The following CHAF1A variants were observed in gnomAD, a reference collection of about 807,000 sequenced individuals.
The protein encoded by CHAF1A is CAF-1 subunit A.
In CHAF1A, 5 loss-of-function variants were observed where a neutral mutation model predicts 93.2. The ratio of observed to expected loss-of-function variants is 0.05; its 90% CI spans 0.03 to 0.11. The LOEUF (loss-of-function observed/expected upper bound fraction) is 0.11, where lower values mean the gene tolerates loss of function less well. Among genes scored for constraint, CHAF1A ranks in the 10% least tolerant of loss-of-function variants. The probability of loss-of-function intolerance (pLI) is 1.00; values close to 1 mark genes in which losing one functional copy is unlikely to be tolerated. For missense variants in CHAF1A, 1,102 were observed against 1,259.9 expected, an observed-to-expected ratio of 0.87 and a Z score of 1.90; for synonymous variants, 504 against 510.3, an observed-to-expected ratio of 0.99 and a Z score of 0.17.
chr19:4,414,556 T>C (rs184472004), intron 3 of CHAF1A, among the ~76,000 whole-genome samples: 157 of 152,308 alleles, frequency 1.0e-3, no homozygotes, highest in African/African-American at 3.6e-3. Flanking sequence ...TTTGTTTCCT[T>C]GTGTATGACA....
At chr19:4,410,895 GTC>G (rs1973785125) in intron 3 of CHAF1A, among the ~76,000 whole-genome samples, 1 of 152,198 alleles carries the variant, frequency 6.6e-6, no homozygotes, top group South Asian at 2.1e-4. Flanking sequence ...TGCATGGTCT[GTC>G]TCTGTTATTG....
chr19:4,427,022 C>A (rs2145117739), intron 7 of CHAF1A, among the ~76,000 whole-genome samples: 1 of 147,580 alleles, frequency 6.8e-6, no homozygotes, highest in Middle Eastern at 3.6e-3. Context: ...ACCCAGGAGG[C>A]AGAGGTTGCA....
At chr19:4,411,648 T>A (rs1973804716) in intron 3 of CHAF1A, among the ~76,000 whole-genome samples, 1 of 117,328 alleles carries the variant, frequency 8.5e-6, no homozygotes, top group Non-Finnish European at 1.9e-5. Context: ...GCAAATCTTT[T>A]TTTTTTTTTT....
At chr19:4,412,023 T>TCA (rs1973814657) in intron 3 of CHAF1A, among the ~76,000 whole-genome samples, 1 of 152,154 alleles carries the variant, frequency 6.6e-6, no homozygotes. Flanking sequence ...ACAGATTATT[T>TCA]TATCACTCAG....
intron 4 of CHAF1A, among the ~76,000 whole-genome samples, chr19:4,420,570 C>T (rs1005149612): frequency 2.0e-5 from 3 of 152,132 alleles, no homozygotes; most frequent in South Asian, 2.1e-4. Flanking sequence ...CTTCAGATTA[C>T]GTAATGACTG....
intron 2 of CHAF1A, among the ~76,000 whole-genome samples, chr19:4,407,821 G>A (rs1973707743): frequency 6.6e-6 from 1 of 151,962 alleles, no homozygotes; most frequent in Non-Finnish European, 1.5e-5. Context: ...AGTAGTGCAT[G>A]CCTGTAATCC....
chr19:4,406,268 AG>A (rs1331331914), intron 2 of CHAF1A, among the ~76,000 whole-genome samples: 2 of 152,162 alleles, frequency 1.3e-5, no homozygotes, highest in Non-Finnish European at 2.9e-5. Flanking sequence ...GCATCCTCCA[AG>A]TCGTAACAAC....
downstream of CHAF1A, chr19:4,447,177 C>A (rs1974551465): frequency 1.7e-6 from 1 of 590,148 alleles, no homozygotes; most frequent in African/African-American, 1.9e-5. Context: ...CCAGACACTG[C>A]TGGGGCCTGA....
At chr19:4,417,754 C>T (rs1334560774) in intron 3 of CHAF1A, among the ~76,000 whole-genome samples, 1 of 152,218 alleles carries the variant, frequency 6.6e-6, no homozygotes, top group Admixed American at 6.5e-5. Flanking sequence ...AGCCACCGCG[C>T]CCAGCCTTGT....
chr19:4,416,248 T>G (rs961272929), intron 3 of CHAF1A, among the ~76,000 whole-genome samples: 1 of 152,238 alleles, frequency 6.6e-6, no homozygotes, highest in African/African-American at 2.4e-5. Context: ...CCTTTGGTTT[T>G]TCAGTCAACT....
downstream of CHAF1A, chr19:4,446,203 G>T: frequency 6.3e-7 from 1 of 1,597,952 alleles, no homozygotes. Context: ...AGTGCCTGGG[G>T]AGTGGGGGAG....
In CHAF1A at chr19:4,409,625, C is replaced by T. The variant is rs772522722; in HGVS notation, c.826C>T (p.Pro276Ser). The T allele has an allele frequency of 6.2e-7, 1 of 1,614,166 alleles. No homozygotes were observed. The change falls in exon 3 of 15, where the codon CCC becomes TCC. Residue 276 changes from proline (P) to serine (S), a missense_variant. Pro to Ser is a moderately conservative substitution (Grantham distance 74). Around this residue, in one of 6 missense-constraint regions of CHAF1A, gnomAD observed 379 missense variants for 365.7 expected, o/e 1.04. Coordinates refer to ENST00000301280, the MANE Select transcript of CHAF1A (RefSeq NM_005483.3). ...TGAGAGTGAGGTGCTGGAATCTTTC[C>T]CCGAAGAAGACTCTGTACTCAGCCA... ...TPESEVLESF[P>S]EEDSVLSHSS...
downstream of CHAF1A, chr19:4,447,723 G>A: frequency 7.8e-7 from 1 of 1,274,784 alleles, no homozygotes; most frequent in Middle Eastern, 1.9e-4. Context: ...AGCCACACTT[G>A]GCCTCTAGTC....
At chr19:4,448,266 G>A, downstream of CHAF1A, 3 of 1,487,992 alleles carry the variant, frequency 2.0e-6, no homozygotes, top group South Asian at 2.4e-5. Context: ...AGTGGGAGGG[G>A]TGCTGGGATG....
downstream of CHAF1A, chr19:4,447,999 A>C (rs1446565738): frequency 1.2e-5 from 6 of 512,688 alleles, no homozygotes; most frequent in Non-Finnish European, 2.1e-5. Flanking sequence ...GGCAGCGTGG[A>C]CCTCCAGGCC....
chr19:4,404,190 T>G (rs927345257), intron 1 of CHAF1A, among the ~76,000 whole-genome samples: 8 of 152,216 alleles, frequency 5.3e-5, no homozygotes, highest in Admixed American at 5.2e-4. Flanking sequence ...GAAAGTATAT[T>G]TTAGTGCCAA....
At chr19:4,445,656 G>T (rs201865786), downstream of CHAF1A, 5 of 1,597,548 alleles carry the variant, frequency 3.1e-6, no homozygotes, top group Non-Finnish European at 4.3e-6. Context: ...CTCTGAGACC[G>T]AGAGTCGGCC....
rs776588955 is a variant in CHAF1A, at chr19:4,409,655, T to G, written c.856T>G (p.Ser286Ala). ...AGAAGACTCTGTACTCAGCCATTCG[T>G]CCCTGAGCTCTCCCTCTTCCACCAG... The part of the protein sequence containing the change: ...PEEDSVLSHS[S>A]LSSPSSTSSP... Residue 286 changes from serine (S) to alanine (A), a missense_variant, in exon 3 of 15, where the codon TCC (serine) becomes GCC (alanine). Transcript: ENST00000301280. The G allele has an allele frequency of 7.4e-6, 12 of 1,614,026 alleles. No individual in the cohort carries two copies. Among genetic ancestry groups the G allele is most frequent in the Middle Eastern group, 1.6e-4 (1 of 6,084 alleles).
chr19:4,441,958 G>A lies in CHAF1A; in HGVS notation c.2674-287G>A, dbSNP rs370197350. On this transcript the variant is annotated intron_variant, in intron 13 of 14. Coordinates refer to ENST00000301280, the MANE Select transcript of CHAF1A (RefSeq NM_005483.3). ...CTGATGGGGCCACTATCAGGTATGC[G>A]GCCTGTCACTGACTGGAAATTATTC... Among the ~76,000 whole-genome samples the A allele has an allele frequency of 7.9e-5, 12 of 152,298 alleles. No homozygotes were observed. In the East Asian group the frequency reaches 1.7e-3, roughly 22 times the overall value.
Sources: gnomAD v4.1 joint callset for allele counts (sites outside exome capture counted in the v4.1 genomes callset) on GRCh38, gnomAD v4.1.1 for gene constraint, gnomAD v4.1.1 regional missense constraint, MANE v1.5 for transcripts, NCBI Gene and HGNC (gene_info 2026-07-23, HGNC 2026-07-21) for gene names.